The following CSNK2A2 variants were observed in gnomAD, a reference collection of about 807,000 sequenced individuals.
The protein encoded by CSNK2A2 is casein kinase 2 alpha 2.
Under a neutral mutation model 54.0 loss-of-function variants are expected in CSNK2A2, and 8 were observed. The observed-to-expected ratio is 0.15, with a 90% CI of 0.09 to 0.27. The LOEUF (loss-of-function observed/expected upper bound fraction) is 0.27, where lower values mean the gene tolerates loss of function less well. Ranked by LOEUF, CSNK2A2 falls within the 10% of genes least tolerant of loss-of-function variation. The probability of loss-of-function intolerance (pLI) is 1.00; values close to 1 mark genes in which losing one functional copy is unlikely to be tolerated. For synonymous variants in CSNK2A2, 141 were observed against 153.9 expected (o/e 0.92, Z 0.62); for missense variants, 242 against 439.4 (o/e 0.55, Z 4.02).
intron 11 of CSNK2A2, chr16:58,160,899 G>A (rs1349524620): frequency 6.6e-6 from 1 of 152,270 alleles, no homozygotes; most frequent in East Asian, 1.9e-4. Context: ...TAAACCTTGT[G>A]AGTGCTGACA....
intron 2 of CSNK2A2, among the ~76,000 whole-genome samples, chr16:58,188,344 G>T (rs986414418): frequency 2.6e-5 from 4 of 152,130 alleles, no homozygotes; most frequent in African/African-American, 9.7e-5. Context: ...TTACTCCTTA[G>T]TCCCTTTTTC....
At chr16:58,167,094 A>T (rs1961586258) in intron 8 of CSNK2A2, 113 bp downstream of exon 8, 3 of 634,620 alleles carry the variant, frequency 4.7e-6, no homozygotes, top group Non-Finnish European at 7.8e-6. Context: ...AGAAAAGCTC[A>T]TATGCAGACA....
At chr16:58,167,837 T>C in intron 6 of CSNK2A2, 42 bp from the exon 7 acceptor site, 1 of 1,480,902 alleles carries the variant, frequency 6.8e-7, no homozygotes, top group South Asian at 1.1e-5. Flanking sequence ...GGAGTGTTTC[T>C]AGACGCCTAT....
chr16:58,180,557 C>T (rs192315309), intron 4 of CSNK2A2, among the ~76,000 whole-genome samples: 242 of 152,188 alleles, frequency 1.6e-3, no homozygotes, highest in African/African-American at 5.7e-3. Context: ...TTCCTCCCAT[C>T]CTTGAAAGAC....
At chr16:58,184,875 A>C (rs1051044892) in intron 3 of CSNK2A2, among the ~76,000 whole-genome samples, 2 of 152,156 alleles carry the variant, frequency 1.3e-5, no homozygotes, top group East Asian at 3.8e-4. Flanking sequence ...ACCATCCGTG[A>C]TATTATCAAT....
At position 58,167,221 on chromosome 16, in the gene CSNK2A2, C is replaced by T. The variant is rs755699042; in HGVS notation, c.712G>A (p.Asp238Asn). Reference sequence around the variant, plus strand: ...CATTTGCTCACCTGGTCATAGTTGTCCTGTCCATGGAAGAATGGTTCCCTT... The same window carrying T: ...CATTTGCTCACCTGGTCATAGTTGTTCTGTCCATGGAAGAATGGTTCCCTT... ...FRREPFFHGQ[D>N]NYDQLVRIAK... Residue 238 changes from aspartate (D) to asparagine (N), a missense_variant, in exon 8 of 12, where the codon GAC (aspartate) becomes AAC (asparagine). Around this residue, in one of 5 missense-constraint regions of CSNK2A2, gnomAD observed 40 missense variants for 128.7 expected, o/e 0.31. Coordinates refer to ENST00000262506, the MANE Select transcript of CSNK2A2 (RefSeq NM_001896.4). 1.2e-6 allele frequency: 2 copies of T among 1,612,158 alleles called. No individual in the cohort carries two copies. The highest frequency in any genetic ancestry group is 1.7e-6 in the Non-Finnish European group (2 of 1,179,290).
intron 4 of CSNK2A2, among the ~76,000 whole-genome samples, chr16:58,180,926 G>A (rs543628002): frequency 2.6e-5 from 4 of 152,274 alleles, no homozygotes; most frequent in African/African-American, 4.8e-5. Context: ...AGGACATCAC[G>A]ACGGTGAACT....
chr16:58,185,764 C>T (rs1962176365), intron 3 of CSNK2A2, among the ~76,000 whole-genome samples: 1 of 152,180 alleles, frequency 6.6e-6, no homozygotes, highest in East Asian at 1.9e-4. Flanking sequence ...AAAAACTTTC[C>T]TTATGCTTCA....
intron 11 of CSNK2A2, among the ~76,000 whole-genome samples, chr16:58,158,689 C>A (rs919558287): frequency 2.0e-5 from 3 of 152,214 alleles, no homozygotes; most frequent in South Asian, 2.1e-4. Context: ...CTTGACCATT[C>A]TGTGCCAGTC....
intron 4 of CSNK2A2, among the ~76,000 whole-genome samples, chr16:58,175,870 T>C (rs1419781105): frequency 6.6e-6 from 1 of 152,172 alleles, no homozygotes; most frequent in Admixed American, 6.6e-5. Context: ...CATGGTGTTG[T>C]GGGGTTGGGT....
chr16:58,191,040 C>T (rs1962309547), intron 2 of CSNK2A2, among the ~76,000 whole-genome samples: 1 of 152,150 alleles, frequency 6.6e-6, no homozygotes, highest in Non-Finnish European at 1.5e-5. Flanking sequence ...ATTATGTAGC[C>T]TTAAAATGGA....
At chr16:58,195,526 C>A (rs1448209367) in intron 2 of CSNK2A2, among the ~76,000 whole-genome samples, 1 of 152,180 alleles carries the variant, frequency 6.6e-6, no homozygotes, top group Non-Finnish European at 1.5e-5. Context: ...TGCAAAAGGG[C>A]CACAATGGAA....
intron 4 of CSNK2A2, among the ~76,000 whole-genome samples, chr16:58,183,865 G>A (rs765813320): frequency 2.0e-4 from 30 of 152,162 alleles, no homozygotes; most frequent in Non-Finnish European, 4.0e-4. Flanking sequence ...TTATTTGACA[G>A]CACTGAATCC....
At chr16:58,182,609 T>C (rs1042500013) in intron 4 of CSNK2A2, among the ~76,000 whole-genome samples, 5 of 148,622 alleles carry the variant, frequency 3.4e-5, no homozygotes, top group Non-Finnish European at 5.9e-5. Flanking sequence ...ATTTTACACA[T>C]GTAGCAGACA....
In CSNK2A2 at chr16:58,164,037, C is replaced by T; in HGVS notation, c.*17+17G>A. 1 of 1,589,622 alleles carries T rather than the reference C, an allele frequency of 6.3e-7. No homozygotes were observed. Among genetic ancestry groups the T allele is most frequent in the Non-Finnish European group, 8.6e-7 (1 of 1,160,982 alleles). On this transcript the variant is annotated intron_variant, in intron 11 of 11. Coordinates refer to ENST00000262506, the MANE Select transcript of CSNK2A2 (RefSeq NM_001896.4). ...TTGGTTGGTTGGTTTTATTGGCAAG[C>T]ATCAATGCCGCATTACCCGTCGCTT...
chr16:58,192,774 G>C (rs1169008786), intron 2 of CSNK2A2: 1 of 152,214 alleles, frequency 6.6e-6, no homozygotes, highest in East Asian at 1.9e-4. Flanking sequence ...TATGCTCCTC[G>C]CATCTACCAA....
At position 58,166,803 on chromosome 16, in the gene CSNK2A2, C is replaced by T. The variant is rs1961575608; in HGVS notation, c.727-119G>A. The T allele has an allele frequency of 5.7e-6, 4 of 703,958 alleles. No homozygotes were observed. In the South Asian group the frequency reaches 6.9e-5, roughly 12 times the overall value. The allele number at this position is 703,958 out of a possible 1,614,324, so 43.6% of individuals were successfully genotyped here. On this transcript the variant is annotated intron_variant, in intron 8 of 11. Transcript: ENST00000262506. ...CCACTAAACCTCTAGGAACGAGATA[C>T]AAACCCAGGTCCAGGGCAGGCAGAC... is the stretch of plus-strand genomic sequence containing the variant.
At chr16:58,159,151 A>T (rs919217297) in intron 11 of CSNK2A2, 6 of 152,248 alleles carry the variant, frequency 3.9e-5, no homozygotes, top group African/African-American at 1.4e-4. Context: ...TTGCCTTTAA[A>T]CACTTCAGCT....
chr16:58,159,624 C>T (rs1299592382), intron 11 of CSNK2A2: 1 of 152,230 alleles, frequency 6.6e-6, no homozygotes, highest in East Asian at 1.9e-4. Context: ...TTTAACATGG[C>T]ATTTTTCTTC....
Sources: gnomAD v4.1 joint callset for allele counts (sites outside exome capture counted in the v4.1 genomes callset) on GRCh38, gnomAD v4.1.1 for gene constraint, gnomAD v4.1.1 regional missense constraint, MANE v1.5 for transcripts, NCBI Gene and HGNC (gene_info 2026-07-23, HGNC 2026-07-21) for gene names.